The following EPHA5 variants were observed in gnomAD, a reference collection of about 807,000 sequenced individuals.
EPHA5 encodes ephrin type-A receptor 5.
EPHA5 carries 60 observed loss-of-function variants against 105.0 expected under a neutral mutation model. That is an observed-to-expected ratio of 0.57 (90% CI 0.46 to 0.71). The LOEUF is 0.71. Among genes scored for constraint, EPHA5 ranks in the 30% least tolerant of loss-of-function variants. The pLI is 0.00. For missense variants in EPHA5, 1,218 were observed against 1,274.7 expected, an observed-to-expected ratio of 0.96 and a Z score of 0.68; for synonymous variants, 513 against 449.1, an observed-to-expected ratio of 1.14 and a Z score of -1.80.
intron 2 of EPHA5, among the ~76,000 whole-genome samples, chr4:65,628,605 A>T (rs2149487712): frequency 6.6e-6 from 1 of 152,290 alleles, no homozygotes; most frequent in South Asian, 2.1e-4. Context: ...TACAGCCACC[A>T]CTATTAGTTA....
At chr4:65,341,968 T>C (rs1192806488) in intron 14 of EPHA5, among the ~76,000 whole-genome samples, 1 of 152,136 alleles carries the variant, frequency 6.6e-6, no homozygotes, top group Non-Finnish European at 1.5e-5. Flanking sequence ...CTAAGATATA[T>C]CCGTTTTTAT....
At chr4:65,605,297 C>A (rs1357648528) in intron 2 of EPHA5, among the ~76,000 whole-genome samples, 4 of 152,280 alleles carry the variant, frequency 2.6e-5, no homozygotes, top group Middle Eastern at 3.4e-3. Context: ...ACTTTCATAA[C>A]CATATGTGTA....
intron 2 of EPHA5, among the ~76,000 whole-genome samples, chr4:65,643,121 C>T (rs4301162): frequency 0.86 from 130,353 of 151,974 alleles, 56,309 homozygotes; most frequent in Non-Finnish European, 0.91. Flanking sequence ...AACTTCACAT[C>T]TCTTTGTGGA....
At chr4:65,445,836 C>A (rs1726465573) in intron 5 of EPHA5, among the ~76,000 whole-genome samples, 2 of 152,140 alleles carry the variant, frequency 1.3e-5, no homozygotes, top group Admixed American at 1.3e-4. Context: ...ACAATTTCTT[C>A]TTTTATCTTC....
Position 65,321,475 on chromosome 4 carries a change from G to A in EPHA5, c.*2639C>T, listed in dbSNP as rs1416881544. The A allele has an allele frequency of 4.4e-6, 1 of 229,296 alleles. No homozygotes were observed. The highest frequency in any genetic ancestry group is 8.6e-6 in the Non-Finnish European group (1 of 115,620). 14.2% of individuals were successfully genotyped at this position (229,296 alleles called of 1,614,324 possible). On this transcript the variant is annotated 3_prime_UTR_variant, in exon 17 of 17. Coordinates refer to ENST00000613740, the MANE Select transcript of EPHA5 (RefSeq NM_001281766.3). ...AATAGGAAACAAATATTTTAGGAAG[G>A]CATTCTTTCCTCTTTTTTAGGGAGA...
At chr4:65,540,461 T>C (rs113749489) in intron 3 of EPHA5, among the ~76,000 whole-genome samples, 1 of 151,436 alleles carries the variant, frequency 6.6e-6, no homozygotes, top group Non-Finnish European at 1.5e-5. Context: ...TTTTCAGTAA[T>C]TGTTTGAAAA....
chr4:65,524,621 G>A (rs984478557), intron 3 of EPHA5, among the ~76,000 whole-genome samples: 9 of 151,764 alleles, frequency 5.9e-5, no homozygotes, highest in African/African-American at 1.9e-4. Flanking sequence ...GAGAAAGGAA[G>A]TATTATTAAA....
At chr4:65,595,644 G>A (rs28663440) in intron 3 of EPHA5, among the ~76,000 whole-genome samples, 1 of 149,624 alleles carries the variant, frequency 6.7e-6, no homozygotes, top group Non-Finnish European at 1.5e-5. Flanking sequence ...GCAGTGGCGC[G>A]ATCTCCACTC....
intron 5 of EPHA5, among the ~76,000 whole-genome samples, chr4:65,474,348 T>C (rs538855959): frequency 2.2e-4 from 34 of 152,140 alleles, no homozygotes; most frequent in Non-Finnish European, 4.4e-4. Context: ...CTATAAATCA[T>C]ATACATTAAA....
Position 65,335,850 on chromosome 4 carries a change from G to C in EPHA5, c.2789+82C>G, listed in dbSNP as rs1005749594. On this transcript the variant is annotated intron_variant, in intron 15 of 16. Transcript: ENST00000613740. Reference sequence around the variant, plus strand: ...GATTCACAGATTAATGTCTATACGAGAATGATTTAATTGATAAAATATTTG... The same window carrying C: ...GATTCACAGATTAATGTCTATACGACAATGATTTAATTGATAAAATATTTG... 2.2e-6 allele frequency: 3 copies of C among 1,393,042 alleles called. No homozygotes were observed. In the Admixed American group the frequency reaches 6.5e-5, roughly 30 times the overall value. 86.3% of individuals were successfully genotyped at this position (1,393,042 alleles called of 1,614,324 possible).
intron 8 of EPHA5, among the ~76,000 whole-genome samples, chr4:65,380,708 AT>A (rs1719474483): frequency 1.3e-5 from 2 of 151,770 alleles, no homozygotes; most frequent in Non-Finnish European, 2.9e-5. Context: ...AGGCTGCATA[AT>A]TTTCCTATTT....
At chr4:65,453,694 G>A (rs1446215614) in intron 5 of EPHA5, among the ~76,000 whole-genome samples, 1 of 152,138 alleles carries the variant, frequency 6.6e-6, no homozygotes, top group Non-Finnish European at 1.5e-5. Flanking sequence ...AGTGCTAGTA[G>A]TCCACTGTGC....
chr4:65,505,570 A>G (rs1467402005), intron 3 of EPHA5, among the ~76,000 whole-genome samples: 1 of 152,130 alleles, frequency 6.6e-6, no homozygotes, highest in Non-Finnish European at 1.5e-5. Context: ...GAGAAAGCAT[A>G]AAGCCAAAAA....
intron 3 of EPHA5, among the ~76,000 whole-genome samples, chr4:65,575,864 C>A (rs558499839): frequency 2.6e-5 from 4 of 151,346 alleles, no homozygotes; most frequent in Non-Finnish European, 5.9e-5. Context: ...GTAATCCCAG[C>A]TACTTGGGAG....
rs987005823 is a variant in EPHA5, at chr4:65,361,193, C to T, written c.2173+3824G>A. 1.1e-3 allele frequency among the ~76,000 whole-genome samples: 169 copies of T among 151,586 alleles called. 2 individuals carry two copies. Among genetic ancestry groups the T allele is most frequent in the Non-Finnish European group, 1.2e-4 (8 of 67,712 alleles). On this transcript the variant is annotated intron_variant, in intron 11 of 16. Transcript: ENST00000613740. Reference sequence around the variant, plus strand: ...TCAGCTATTCAACATAATTGAAGGCCTACTTTATGCCAGGCAGGCACTCAA... The same window carrying T: ...TCAGCTATTCAACATAATTGAAGGCTTACTTTATGCCAGGCAGGCACTCAA...
chr4:65,643,651 G>A (rs928432233), intron 1 of EPHA5, among the ~76,000 whole-genome samples: 8 of 151,226 alleles, frequency 5.3e-5, no homozygotes, highest in African/African-American at 1.9e-4. Flanking sequence ...TTCTCTGAAA[G>A]CAAATCATTA....
intron 5 of EPHA5, among the ~76,000 whole-genome samples, chr4:65,464,642 A>G (rs1728440616): frequency 6.6e-6 from 1 of 152,152 alleles, no homozygotes; most frequent in African/African-American, 2.4e-5. Context: ...TATTTAAAAC[A>G]TAGACATGAT....
chr4:65,571,195 T>C (rs917829449), intron 3 of EPHA5, among the ~76,000 whole-genome samples: 1 of 151,868 alleles, frequency 6.6e-6, no homozygotes, highest in African/African-American at 2.4e-5. Context: ...ATGGAAGTAA[T>C]GGAATGGGAA....
chr4:65,459,388 T>G (rs1727914119), intron 5 of EPHA5, among the ~76,000 whole-genome samples: 1 of 151,912 alleles, frequency 6.6e-6, no homozygotes, highest in South Asian at 2.1e-4. Flanking sequence ...TCACAATCTA[T>G]TTCAGTTGAG....
Sources: gnomAD v4.1 joint callset for allele counts (sites outside exome capture counted in the v4.1 genomes callset) on GRCh38, gnomAD v4.1.1 for gene constraint, MANE v1.5 for transcripts, NCBI Gene and HGNC (gene_info 2026-07-23, HGNC 2026-07-21) for gene names.